Variants in PHF14 observed in about 807,000 individuals in gnomAD.
PHF14 encodes the protein PHD finger protein 14.
PHF14 carries 55 observed loss-of-function variants against 117.9 expected under a neutral mutation model. The ratio of observed to expected loss-of-function variants is 0.47; its 90% CI spans 0.38 to 0.58. The LOEUF (loss-of-function observed/expected upper bound fraction) is 0.58. Ranked by LOEUF, PHF14 falls within the 20% of genes least tolerant of loss-of-function variation. The pLI is 0.00. For missense variants in PHF14, 978 were observed against 1,122.2 expected, an observed-to-expected ratio of 0.87 and a Z score of 1.84; for synonymous variants, 409 against 368.6, an observed-to-expected ratio of 1.11 and a Z score of -1.26.
chr7:11,148,164 TC>T (rs1382891408), intron 17 of PHF14, among the ~76,000 whole-genome samples: 2 of 152,216 alleles, frequency 1.3e-5, no homozygotes, highest in African/African-American at 4.8e-5. Flanking sequence ...GTATTTGTGT[TC>T]TTTCCTAATT....
intron 3 of PHF14, among the ~76,000 whole-genome samples, chr7:10,990,501 G>A (rs1379255997): frequency 2.0e-5 from 3 of 152,126 alleles, no homozygotes; most frequent in Admixed American, 6.5e-5. Flanking sequence ...AAATAAGAGG[G>A]TGCTTACAGG....
chr7:11,044,160 C>A (rs1180793316), intron 13 of PHF14, among the ~76,000 whole-genome samples: 1 of 151,924 alleles, frequency 6.6e-6, no homozygotes, highest in Admixed American at 6.6e-5. Flanking sequence ...AAAGATGGGG[C>A]CTACTAGAAT....
chr7:11,076,469 A>G (rs954169842), intron 16 of PHF14, among the ~76,000 whole-genome samples: 1 of 151,164 alleles, frequency 6.6e-6, no homozygotes, highest in Non-Finnish European at 1.5e-5. Context: ...TTTAGATGTC[A>G]TTGGATTTTT....
chr7:10,993,901 C>G (rs1782543477), intron 4 of PHF14, among the ~76,000 whole-genome samples: 1 of 151,208 alleles, frequency 6.6e-6, no homozygotes, highest in African/African-American at 2.4e-5. Context: ...CCCAGCTACT[C>G]TGGAGGCTAA....
chr7:11,098,004 A>G (rs1385336803), intron 16 of PHF14, among the ~76,000 whole-genome samples: 1 of 152,180 alleles, frequency 6.6e-6, no homozygotes, highest in Non-Finnish European at 1.5e-5. Context: ...AATCTATCAT[A>G]TTCCTTTAAA....
At chr7:11,042,981 T>TC (rs1784547495) in intron 13 of PHF14, among the ~76,000 whole-genome samples, 167 bp downstream of exon 13, 1 of 151,922 alleles carries the variant, frequency 6.6e-6, no homozygotes, top group Non-Finnish European at 1.5e-5. Context: ...TAACAGCTTT[T>TC]TTGAGAAATG....
chr7:11,117,923 T>C (rs1787646427), intron 17 of PHF14, among the ~76,000 whole-genome samples: 1 of 151,882 alleles, frequency 6.6e-6, no homozygotes, highest in Non-Finnish European at 1.5e-5. Context: ...TCTGGGATTT[T>C]ATCTGACATT....
At chr7:11,122,192 C>G (rs1310522838) in intron 17 of PHF14, among the ~76,000 whole-genome samples, 1 of 151,014 alleles carries the variant, frequency 6.6e-6, no homozygotes, top group Non-Finnish European at 1.5e-5. Flanking sequence ...GACATGAACT[C>G]ATTCTTTTTT....
At chr7:11,061,728 T>C (rs927584584) in intron 14 of PHF14, 63 bp from the exon 15 acceptor site, 183 of 1,199,604 alleles carry the variant, frequency 1.5e-4, no homozygotes, top group Non-Finnish European at 2.0e-4. Context: ...ATATTTATTA[T>C]TAATTAAACA....
chr7:11,094,464 C>G (rs867703396), intron 16 of PHF14, among the ~76,000 whole-genome samples: 2 of 152,190 alleles, frequency 1.3e-5, no homozygotes, highest in African/African-American at 4.8e-5. Context: ...ACTCCTCCTA[C>G]TTCTCTCTTA....
At chr7:11,045,815 T>G (rs1488885150) in intron 13 of PHF14, among the ~76,000 whole-genome samples, 2 of 152,200 alleles carry the variant, frequency 1.3e-5, no homozygotes, top group Non-Finnish European at 2.9e-5. Context: ...GGAAGAGACC[T>G]GGGATGATGA....
intron 7 of PHF14, among the ~76,000 whole-genome samples, chr7:11,034,303 A>G (rs1163459503): frequency 6.6e-6 from 1 of 152,154 alleles, no homozygotes; most frequent in Non-Finnish European, 1.5e-5. Flanking sequence ...GGACAGACAT[A>G]AAGAATGAAC....
intron 16 of PHF14, among the ~76,000 whole-genome samples, chr7:11,071,780 T>G (rs1483969714): frequency 6.6e-6 from 1 of 152,192 alleles, no homozygotes; most frequent in African/African-American, 2.4e-5. Context: ...AGATTTTGTT[T>G]CCACAACTAA....
intron 16 of PHF14, among the ~76,000 whole-genome samples, chr7:11,092,500 A>G (rs1373016128): frequency 1.3e-5 from 2 of 152,214 alleles, no homozygotes; most frequent in Middle Eastern, 3.2e-3. Context: ...AATATCACCT[A>G]TAGAAGGAAT....
At chr7:11,116,101 TTA>T (rs1281468870) in intron 17 of PHF14, among the ~76,000 whole-genome samples, 2 of 152,022 alleles carry the variant, frequency 1.3e-5, no homozygotes, top group African/African-American at 4.8e-5. Context: ...TTCAGTGGGG[TTA>T]TATTGAATGT....
At chr7:11,103,519 T>C (rs1386854668) in intron 16 of PHF14, 1 of 984,884 alleles carries the variant, frequency 1.0e-6, no homozygotes, top group African/African-American at 1.7e-5. Context: ...ACGGCAGAAG[T>C]ATGTTGAATA....
At chr7:10,992,081 A>T (rs1221184894) in intron 4 of PHF14, among the ~76,000 whole-genome samples, 3 of 151,710 alleles carry the variant, frequency 2.0e-5, no homozygotes, top group Admixed American at 2.0e-4. Flanking sequence ...TTTGAGACAG[A>T]GTCTTGCTCT....
chr7:11,008,162 T>C (rs1783192209), intron 4 of PHF14, among the ~76,000 whole-genome samples: 1 of 152,228 alleles, frequency 6.6e-6, no homozygotes, highest in Non-Finnish European at 1.5e-5. Flanking sequence ...ATTCATTAAA[T>C]GAGATAAGGC....
chr7:11,080,874 A>T (rs538768614), intron 16 of PHF14, among the ~76,000 whole-genome samples: 1 of 152,286 alleles, frequency 6.6e-6, no homozygotes, highest in South Asian at 2.1e-4. Flanking sequence ...TTACTAATCC[A>T]TGTGTTAATT....
Sources: gnomAD v4.1 joint callset for allele counts (sites outside exome capture counted in the v4.1 genomes callset) on GRCh38, gnomAD v4.1.1 for gene constraint, MANE v1.5 for transcripts, NCBI Gene and HGNC (gene_info 2026-07-23, HGNC 2026-07-21) for gene names.